Variants in PLG observed in about 807,000 individuals in gnomAD.
PLG encodes the protein plasminogen, also known as plasmin.
Under a neutral mutation model 104.4 loss-of-function variants are expected in PLG, and 41 were observed. That is an observed-to-expected ratio of 0.39 (90% CI 0.31 to 0.51). The LOEUF is 0.51. PLG is among the 20% of genes least tolerant of loss of function. The probability of loss-of-function intolerance (pLI) is 0.76; values close to 1 mark genes in which losing one functional copy is unlikely to be tolerated. For synonymous variants in PLG, 337 were observed against 357.1 expected (o/e 0.94, Z 0.63); for missense variants, 891 against 1,003.6 (o/e 0.89, Z 1.52).
intron 17 of PLG, among the ~76,000 whole-genome samples, chr6:160,748,374 A>AAGATAGAGAGAG (rs1331475547): frequency 9.0e-5 from 5 of 55,314 alleles, no homozygotes; most frequent in African/African-American, 3.3e-4. Flanking sequence ...GAAAGAAAGA[A>AAGATAGAGAGAG]AGAAAGAAAG....
intron 12 of PLG, 124 bp from the exon 13 acceptor site, chr6:160,733,871 A>G: frequency 3.7e-6 from 2 of 538,802 alleles, no homozygotes; most frequent in Non-Finnish European, 6.9e-6. Flanking sequence ...AAAAAAAAGA[A>G]GGAAGGAAAA....
chr6:160,748,366 A>AGAGAGAGAGAG (rs1562383284), intron 17 of PLG, among the ~76,000 whole-genome samples: 1 of 38,092 alleles, frequency 2.6e-5, no homozygotes, highest in African/African-American at 9.0e-5. Context: ...GAAAGAAAGA[A>AGAGAGAGAGAG]AGAAAGAAAG....
At position 160,731,675 on chromosome 6, in the gene PLG, G is replaced by T; in HGVS notation, c.1439-70G>T. 1.4e-6 allele frequency: 2 copies of T among 1,451,924 alleles called. No homozygotes were observed. The highest frequency in any genetic ancestry group is 2.3e-5 in the South Asian group (2 of 87,680). The allele number at this position is 1,451,924 out of a possible 1,614,324, so 89.9% of individuals were successfully genotyped here. On this transcript the variant is annotated intron_variant, in intron 11 of 18. Transcript: ENST00000308192. This position sits in a 1 kb window ranked among gnomAD's most constrained non-coding sequence, Gnocchi z 5.1. ...CTGTCATCCTAGAGAAACCTGACAT[G>T]ACTGTATTGATTCCATATCATCCTG... is the stretch of plus-strand genomic sequence containing the variant.
At position 160,718,790 on chromosome 6, in the gene PLG, C is replaced by T. The variant is rs763543916; in HGVS notation, c.1048C>T (p.Pro350Ser). The change falls in exon 9 of 19, where the codon CCG (proline) becomes TCG (serine). Residue 350 changes from proline (P) to serine (S), a missense_variant. Coordinates refer to ENST00000308192, the MANE Select transcript of PLG (RefSeq NM_000301.5). ...AGTGCGGTGGGAGTACTGTAAGATA[C>T]CGTCCTGTGACTCCTCCCCAGTATC... The part of the protein sequence containing the change: ...SQVRWEYCKI[P>S]SCDSSPVSTE... 91 of 1,613,570 alleles carry T rather than the reference C, an allele frequency of 5.6e-5. No individual in the cohort carries two copies. The highest frequency in any genetic ancestry group is 6.8e-5 in the Non-Finnish European group (80 of 1,179,650).
At chr6:160,703,638 A>T (rs1000818413) in intron 1 of PLG, among the ~76,000 whole-genome samples, 8 of 152,256 alleles carry the variant, frequency 5.3e-5, no homozygotes, top group African/African-American at 1.7e-4. Flanking sequence ...ATTTAGTGGA[A>T]GCCATTCAAG....
At chr6:160,733,134 C>A (rs1055990255) in intron 12 of PLG, among the ~76,000 whole-genome samples, 1 of 152,166 alleles carries the variant, frequency 6.6e-6, no homozygotes, top group African/African-American at 2.4e-5. Flanking sequence ...TTTAGGAGCT[C>A]CGTGTCAGGA....
rs533561591 is a variant in PLG, at chr6:160,731,366, A to C, written c.1438+134A>C. 18 of 837,484 alleles carry C rather than the reference A, an allele frequency of 2.1e-5. No individual in the cohort carries two copies. Among genetic ancestry groups the C allele is most frequent in the Admixed American group, 1.2e-4 (6 of 50,260 alleles). 51.9% of individuals were successfully genotyped at this position (837,484 alleles called of 1,614,324 possible). A position where few individuals can be genotyped will look rare whatever the true frequency, so the allele number is the denominator to read the frequency against. ...TTTAGAGGGTCTGCCATGTGGAAGG[A>C]AGCCTCAGTGCACTCTCTCAAGGAG... On this transcript the variant is annotated intron_variant, in intron 11 of 18. Coordinates refer to ENST00000308192, the MANE Select transcript of PLG (RefSeq NM_000301.5). The surrounding 1 kb of genome is among the most constrained non-coding windows in gnomAD (Gnocchi z 5.1).
At position 160,715,622 on chromosome 6, in the gene PLG, C is replaced by T. The variant is rs1777714769; in HGVS notation, c.668+708C>T. Among the ~76,000 whole-genome samples the T allele has an allele frequency of 2.0e-5, 3 of 151,374 alleles. No individual in the cohort carries two copies. The South Asian group carries it at 6.5e-4, about 33-fold the overall frequency. On this transcript the variant is annotated intron_variant, in intron 6 of 18. Coordinates refer to ENST00000308192, the MANE Select transcript of PLG (RefSeq NM_000301.5). ...CACAGTCGCTTCTGGTCTTCCTCTT[C>T]ATTCTATGATGACTACAGGGCCATA...
At chr6:160,711,551 T>G in intron 4 of PLG, 2 of 1,602,182 alleles carry the variant, frequency 1.2e-6, no homozygotes, top group Non-Finnish European at 1.7e-6. Context: ...TTTCATCACT[T>G]TTAATTCAAA....
At chr6:160,717,367 C>T (rs1369799789) in intron 7 of PLG, among the ~76,000 whole-genome samples, 1 of 152,208 alleles carries the variant, frequency 6.6e-6, no homozygotes, top group African/African-American at 2.4e-5. Context: ...AAAAAGGATT[C>T]AGTGAGGGTT....
rs1778395556 is a variant in PLG at position 160,751,282 on chromosome 6, T to C, written c.2126-833T>C. On this transcript the variant is annotated intron_variant, in intron 17 of 18. Transcript: ENST00000308192. ...GAAGCAAGAGTGGGGCCAACACGCATGGGGAGGAAGCATTTGGGCAGTGAC... is the reference window on the plus strand; with the variant it reads ...GAAGCAAGAGTGGGGCCAACACGCACGGGGAGGAAGCATTTGGGCAGTGAC... Among the ~76,000 whole-genome samples, 2 of 152,226 alleles carry C rather than the reference T, an allele frequency of 1.3e-5. 1 individual carries two copies. Among genetic ancestry groups the C allele is most frequent in the South Asian group, 4.1e-4 (2 of 4,832 alleles).
rs1777876704 is a variant in PLG, at chr6:160,723,355, T to C, written c.1256+788T>C. The stretch of plus-strand genomic sequence containing the variant: ...ACAAGGACAGCTTTTCTTCCATAAA[T>C]GAGTACACAATATATGGAAAAAACT... On this transcript the variant is annotated intron_variant, in intron 10 of 18. Transcript: ENST00000308192. This position sits in a 1 kb window ranked among gnomAD's most constrained non-coding sequence, Gnocchi z 4.7. Among the ~76,000 whole-genome samples the C allele has an allele frequency of 6.6e-6, 1 of 152,044 alleles. No individual in the cohort carries two copies. The highest frequency in any genetic ancestry group is 2.4e-5 in the African/African-American group (1 of 41,402).
rs1582947814 is a variant in PLG, at chr6:160,738,234, G to A, written c.1803-304G>A. ...GTGGCTTCTGTTGGAGTCCTGGGCT[G>A]TGGGGTGAAAGCCGTGGCTGTAGAG... On this transcript the variant is annotated intron_variant, in intron 14 of 18. Transcript: ENST00000308192. This position sits in a 1 kb window ranked among gnomAD's most constrained non-coding sequence, Gnocchi z 6.8. Among the ~76,000 whole-genome samples, 1 of 152,204 alleles carries A rather than the reference G, an allele frequency of 6.6e-6. No homozygotes were observed. Among genetic ancestry groups the A allele is most frequent in the Admixed American group, 6.5e-5 (1 of 15,278 alleles).
chr6:160,728,546 GA>G (rs983100491), intron 10 of PLG, among the ~76,000 whole-genome samples: 3 of 151,538 alleles, frequency 2.0e-5, no homozygotes, highest in Admixed American at 6.6e-5. Context: ...GTGGTATTGG[GA>G]AAAAAAAGTA....
intron 1 of PLG, among the ~76,000 whole-genome samples, chr6:160,705,117 C>T (rs1777493917): frequency 6.6e-6 from 1 of 152,198 alleles, no homozygotes; most frequent in South Asian, 2.1e-4. Flanking sequence ...CAAGGTTGTC[C>T]TGTTGTCTAA....
intron 4 of PLG, chr6:160,711,481 T>G (rs1173392661): frequency 8.5e-7 from 1 of 1,171,842 alleles, no homozygotes; most frequent in African/African-American, 1.6e-5. Flanking sequence ...CCATCCACAG[T>G]TGGTTGAATT....
chr6:160,731,838 A>G lies in PLG; in HGVS notation c.1532A>G (p.His511Arg). Reference protein sequence around the residue: ...PCQDWAAQEPHRHSIFTPETN... With the variant: ...PCQDWAAQEPRRHSIFTPETN... ...CAGGACTGGGCTGCCCAGGAGCCCC[A>G]TAGACACAGCATTTTCACTCCAGAG... Residue 511 changes from histidine to arginine, a missense_variant, in exon 12 of 19, where the codon CAT becomes CGT. Coordinates refer to ENST00000308192, the MANE Select transcript of PLG (RefSeq NM_000301.5). This position sits in a 1 kb window ranked among gnomAD's most constrained non-coding sequence, Gnocchi z 5.1. 1 of 1,614,122 alleles carries G rather than the reference A, an allele frequency of 6.2e-7. No homozygotes were observed. Among genetic ancestry groups the G allele is most frequent in the Non-Finnish European group, 8.5e-7 (1 of 1,179,972 alleles).
In PLG at chr6:160,732,490, T is replaced by C; in HGVS notation, c.1587+597T>C. ...TCCAGCAGATACCAGCTGGGTGTCC[T>C]ACAATGTAACTCAGTGCTGACACTC... On this transcript the variant is annotated intron_variant, in intron 12 of 18. Coordinates refer to ENST00000308192, the MANE Select transcript of PLG (RefSeq NM_000301.5). The surrounding 1 kb of genome is among the most constrained non-coding windows in gnomAD (Gnocchi z 4.5). Among the ~76,000 whole-genome samples, 1 of 152,144 alleles carries C rather than the reference T, an allele frequency of 6.6e-6. No individual in the cohort carries two copies. Among genetic ancestry groups the C allele is most frequent in the East Asian group, 1.9e-4 (1 of 5,192 alleles).
chr6:160,747,475 T>C (rs1370256915), intron 17 of PLG, among the ~76,000 whole-genome samples: 1 of 152,208 alleles, frequency 6.6e-6, no homozygotes, highest in Non-Finnish European at 1.5e-5. Flanking sequence ...TGGAAGTGTG[T>C]TCTGACTTTG....
Sources: allele counts gnomAD v4.1 joint callset (sites outside exome capture counted in the v4.1 genomes callset), GRCh38; gene constraint gnomAD v4.1.1; non-coding constraint Gnocchi (gnomAD v3.1); transcripts MANE v1.5; gene names NCBI Gene and HGNC (gene_info 2026-07-23, HGNC 2026-07-21).